CNTNAP2: variants seen among roughly 807,000 people sequenced by gnomAD.
CNTNAP2 encodes the protein contactin associated protein 2, also known as contactin-associated protein-like 2.
A neutral mutation model predicts 155.2 loss-of-function variants in CNTNAP2; 98 were observed. That is an observed-to-expected ratio of 0.63 (90% CI 0.54 to 0.75). The LOEUF (loss-of-function observed/expected upper bound fraction) is 0.75. Among genes scored for constraint, CNTNAP2 ranks in the 30% least tolerant of loss-of-function variants. CNTNAP2 has a pLI of 0.00. For missense variants in CNTNAP2, 1,727 were observed against 1,688.1 expected, an observed-to-expected ratio of 1.02 and a Z score of -0.40; for synonymous variants, 651 against 631.2, an observed-to-expected ratio of 1.03 and a Z score of -0.47.
chr7:147,353,953 CTGTT>C lies in CNTNAP2; in HGVS notation c.1499-41655_1499-41652del, dbSNP rs1163366233. Among the ~76,000 whole-genome samples, 5 of 148,838 alleles carry C rather than the reference CTGTT, an allele frequency of 3.4e-5. No individual in the cohort carries two copies. The South Asian group carries it at 1.1e-3, about 32-fold the overall frequency. On this transcript the variant is annotated intron_variant, in intron 9 of 23. Coordinates refer to ENST00000361727, the MANE Select transcript of CNTNAP2 (RefSeq NM_014141.6). ...AAAAATGTCTTCCTTTGAAAAGTGT[CTGTT>C]CATATCCTTCGCCCACTTTTTGATG...
At chr7:147,906,522 G>T (rs1220073456) in intron 14 of CNTNAP2, among the ~76,000 whole-genome samples, 1 of 150,092 alleles carries the variant, frequency 6.7e-6, no homozygotes, top group African/African-American at 2.5e-5. Context: ...ACAAGGTCTT[G>T]CTCTGTTGCC....
At chr7:146,585,658 T>C (rs149121007) in intron 1 of CNTNAP2, among the ~76,000 whole-genome samples, 145 of 148,768 alleles carry the variant, frequency 9.7e-4, no homozygotes, top group African/African-American at 3.5e-3. Context: ...GTTATCAAAA[T>C]AGGCCTAGAA....
intron 4 of CNTNAP2, among the ~76,000 whole-genome samples, chr7:147,063,631 A>T (rs1301287251): frequency 6.6e-6 from 1 of 152,156 alleles, no homozygotes; most frequent in Non-Finnish European, 1.5e-5. Context: ...AATTCATAGG[A>T]GAAACAGGAA....
Position 148,417,520 on chromosome 7 carries a change from A to G in CNTNAP2, c.*1904A>G, listed in dbSNP as rs1800022207. On this transcript the variant is annotated 3_prime_UTR_variant, in exon 24 of 24. Transcript: ENST00000361727. Reference sequence around the variant, plus strand: ...TTTTAATCATTCTTCTATAAAATACATTTAAAATGGAAAAATACTTAATAT... The same window carrying G: ...TTTTAATCATTCTTCTATAAAATACGTTTAAAATGGAAAAATACTTAATAT... 1 of 152,566 alleles carries G rather than the reference A, an allele frequency of 6.6e-6. No individual in the cohort carries two copies. Among genetic ancestry groups the G allele is most frequent in the East Asian group, 1.9e-4 (1 of 5,202 alleles). The allele number at this position is 152,566 out of a possible 1,614,324, so 9.5% of individuals were successfully genotyped here.
At chr7:147,362,586 T>C (rs1337172655) in intron 9 of CNTNAP2, among the ~76,000 whole-genome samples, 1 of 152,204 alleles carries the variant, frequency 6.6e-6, no homozygotes, top group Non-Finnish European at 1.5e-5. Context: ...AGCTATAATT[T>C]AGAACTGCCA....
chr7:146,621,129 C>A (rs1047216174), intron 1 of CNTNAP2, among the ~76,000 whole-genome samples: 2 of 152,118 alleles, frequency 1.3e-5, no homozygotes, highest in Non-Finnish European at 2.9e-5. Context: ...TGATAAGGAA[C>A]CGTATCCCTA....
At chr7:146,314,282 A>T (rs1375746721) in intron 1 of CNTNAP2, among the ~76,000 whole-genome samples, 1 of 152,164 alleles carries the variant, frequency 6.6e-6, no homozygotes, top group Non-Finnish European at 1.5e-5. Context: ...GTGTTTGTCC[A>T]GCCTGCTGTC....
At chr7:147,697,592 T>G (rs942055758) in intron 13 of CNTNAP2, among the ~76,000 whole-genome samples, 10 of 152,200 alleles carry the variant, frequency 6.6e-5, no homozygotes, top group African/African-American at 2.4e-4. Flanking sequence ...GGAAGCATTC[T>G]ATGATTAGGT....
intron 2 of CNTNAP2, among the ~76,000 whole-genome samples, chr7:146,815,938 T>G (rs372671118): frequency 6.6e-6 from 1 of 152,148 alleles, no homozygotes; most frequent in African/African-American, 2.4e-5. Flanking sequence ...GGCCCTGATG[T>G]GCATGATGAT....
chr7:148,372,825 T>G (rs1166703184), intron 21 of CNTNAP2, among the ~76,000 whole-genome samples: 1 of 152,252 alleles, frequency 6.6e-6, no homozygotes, highest in African/African-American at 2.4e-5. Context: ...TGTCTAACAC[T>G]TAGATTAAAA....
intron 3 of CNTNAP2, among the ~76,000 whole-genome samples, chr7:146,863,644 C>T (rs1037535241): frequency 6.6e-6 from 1 of 152,026 alleles, no homozygotes; most frequent in African/African-American, 2.4e-5. Context: ...ATGCTATTTG[C>T]TTCCCCTTCC....
intron 1 of CNTNAP2, among the ~76,000 whole-genome samples, chr7:146,252,471 C>T (rs1224015029): frequency 1.3e-5 from 2 of 152,152 alleles, no homozygotes; most frequent in Non-Finnish European, 2.9e-5. Context: ...ACTTGACTCC[C>T]TGCTGAAAAC....
chr7:146,412,302 A>C (rs1563074497), intron 1 of CNTNAP2, among the ~76,000 whole-genome samples: 1 of 152,160 alleles, frequency 6.6e-6, no homozygotes, highest in Non-Finnish European at 1.5e-5. Context: ...AATCAGACAA[A>C]ATGCTTGTGT....
At chr7:147,328,772 T>C (rs1795504715) in intron 9 of CNTNAP2, among the ~76,000 whole-genome samples, 2 of 152,138 alleles carry the variant, frequency 1.3e-5, no homozygotes, top group South Asian at 4.1e-4. Context: ...AAATAACTAC[T>C]ATAATAAACC....
At chr7:147,186,505 C>T (rs981991993) in intron 8 of CNTNAP2, among the ~76,000 whole-genome samples, 2 of 152,044 alleles carry the variant, frequency 1.3e-5, no homozygotes, top group African/African-American at 2.4e-5. Flanking sequence ...AGGTCTGTAC[C>T]GTAGCCCCTT....
chr7:146,635,504 C>T (rs1489194375), intron 1 of CNTNAP2, among the ~76,000 whole-genome samples: 1 of 152,102 alleles, frequency 6.6e-6, no homozygotes, highest in Admixed American at 6.6e-5. Flanking sequence ...AGTCAATCGC[C>T]TCAGACACTA....
intron 1 of CNTNAP2, among the ~76,000 whole-genome samples, chr7:146,262,358 C>A (rs544055311): frequency 7.4e-4 from 113 of 152,258 alleles, no homozygotes; most frequent in African/African-American, 2.6e-3. Flanking sequence ...TTGGTCTTTA[C>A]TTATCTGACA....
At chr7:148,250,908 C>T (rs1304850591) in intron 20 of CNTNAP2, among the ~76,000 whole-genome samples, 2 of 152,154 alleles carry the variant, frequency 1.3e-5, no homozygotes, top group African/African-American at 4.8e-5. Flanking sequence ...AGTGCAGTCA[C>T]ACAATCACAG....
At chr7:148,328,408 G>C (rs973604423) in intron 21 of CNTNAP2, among the ~76,000 whole-genome samples, 1 of 152,132 alleles carries the variant, frequency 6.6e-6, no homozygotes. Flanking sequence ...TGATCATTTG[G>C]GGCCAGCTTC....
Sources: gnomAD v4.1 joint callset for allele counts (sites outside exome capture counted in the v4.1 genomes callset) on GRCh38, gnomAD v4.1.1 for gene constraint, MANE v1.5 for transcripts, NCBI Gene and HGNC (gene_info 2026-07-23, HGNC 2026-07-21) for gene names.